CEP76: variants seen among roughly 807,000 people sequenced by gnomAD.
CEP76 encodes the protein centrosomal protein of 76 kDa.
CEP76 carries 55 observed loss-of-function variants against 83.3 expected under a neutral mutation model. That is an observed-to-expected ratio of 0.66 (90% CI 0.53 to 0.83). The LOEUF (loss-of-function observed/expected upper bound fraction) is 0.83. Ranked by LOEUF, CEP76 falls within the 40% of genes least tolerant of loss-of-function variation. The pLI, the probability that CEP76 is intolerant of heterozygous loss-of-function variation, is 0.00. For missense variants in CEP76, 694 were observed against 799.5 expected (o/e 0.87, Z 1.59); for synonymous variants, 270 against 274.5 (o/e 0.98, Z 0.16).
chr18:12,696,734 A>G (rs1188623735), intron 5 of CEP76, among the ~76,000 whole-genome samples: 1 of 152,100 alleles, frequency 6.6e-6, no homozygotes, highest in Non-Finnish European at 1.5e-5. Context: ...TCTGCCCTCA[A>G]GGACTAGTTG....
rs2039215649 is a variant in CEP76 at position 12,678,248 on chromosome 18, G to A, written c.1484C>T (p.Ala495Val). ...TCCAGGAGCACACACAGATTTAATT[G>A]CTTCCTCACTCATGGGTTTCCATTT... ...ESKWKPMSEE[A>V]IKSVCAPGAT... The change falls in exon 10 of 12, where the codon GCA (alanine) becomes GTA (valine). Residue 495 changes from alanine to valine, a missense_variant. Transcript: ENST00000262127. 9 of 1,614,130 alleles carry A rather than the reference G, an allele frequency of 5.6e-6. No individual in the cohort carries two copies. The highest frequency in any genetic ancestry group is 7.6e-6 in the Non-Finnish European group (9 of 1,180,016).
intron 6 of CEP76, chr18:12,692,332 T>C (rs897735897): frequency 2.7e-5 from 4 of 150,712 alleles, no homozygotes; most frequent in African/African-American, 9.8e-5. Context: ...AAAAAAAACA[T>C]ACTGTCATTC....
intron 6 of CEP76, among the ~76,000 whole-genome samples, chr18:12,694,453 T>C (rs950260618): frequency 1.3e-5 from 2 of 152,126 alleles, no homozygotes; most frequent in Non-Finnish European, 2.9e-5. Flanking sequence ...AAATCCAATG[T>C]GAAGGAATGA....
At chr18:12,678,570 C>CT (rs2039227777) in intron 9 of CEP76, 128 bp from the exon 10 acceptor site, 1 of 617,264 alleles carries the variant, frequency 1.6e-6, no homozygotes, top group African/African-American at 1.8e-5. Flanking sequence ...ACTTGTTTTT[C>CT]TTTTTTATAT....
chr18:12,674,537 G>A lies in CEP76; in HGVS notation c.1840C>T (p.Arg614Ter), dbSNP rs760020378. The A allele has an allele frequency of 8.1e-6, 13 of 1,608,978 alleles. No homozygotes were observed. The highest frequency in any genetic ancestry group is 5.5e-5 in the South Asian group (5 of 90,868). ...ATGATTCCGTAAATTACACCTTACCGAAGACATGTGGCAAATGCACGTCTT... is the reference window on the plus strand; with the variant it reads ...ATGATTCCGTAAATTACACCTTACCAAAGACATGTGGCAAATGCACGTCTT... ...NARRAFATCL[R>*]SPFCEEIICC... is the part of the protein sequence containing the mutation. The change falls in exon 11 of 12, where the codon CGA becomes TGA. Residue 614 changes from arginine (R) to a stop codon, truncating the protein, a stop_gained and splice_region_variant. Coordinates refer to ENST00000262127, the MANE Select transcript of CEP76 (RefSeq NM_024899.4). LOFTEE classifies it high-confidence loss of function.
intron 12 of CEP76, among the ~76,000 whole-genome samples, chr18:12,665,451 GTCC>G (rs1237183333): frequency 6.6e-6 from 1 of 152,068 alleles, no homozygotes; most frequent in Non-Finnish European, 1.5e-5. Context: ...CTGAATTCCT[GTCC>G]TCCTCATCTT....
intron 8 of CEP76, among the ~76,000 whole-genome samples, chr18:12,683,480 A>G (rs1223883894): frequency 6.6e-6 from 1 of 151,754 alleles, no homozygotes; most frequent in Non-Finnish European, 1.5e-5. Context: ...AACTTAAAAC[A>G]CTCATTAAAA....
At chr18:12,671,456 A>T (rs75585021), downstream of CEP76, among the ~76,000 whole-genome samples, 1,323 of 151,960 alleles carry the variant, frequency 8.7e-3, 26 homozygotes, top group African/African-American at 0.031. Flanking sequence ...TAAAAAACTT[A>T]AAAAAAATGA....
At chr18:12,668,170 C>T (rs891430793), downstream of CEP76, among the ~76,000 whole-genome samples, 1 of 152,018 alleles carries the variant, frequency 6.6e-6, no homozygotes, top group Admixed American at 6.6e-5. Context: ...GAGGCTGAGG[C>T]AGGAAAATCA....
chr18:12,671,710 G>A (rs1489211107), downstream of CEP76, among the ~76,000 whole-genome samples: 2 of 136,954 alleles, frequency 1.5e-5, no homozygotes, highest in South Asian at 2.3e-4. Context: ...ATGCAGTGAC[G>A]CGATCTTAGC....
intron 4 of CEP76, 151 bp downstream of exon 4, chr18:12,698,828 T>C (rs1598665394): frequency 4.9e-6 from 3 of 609,810 alleles, no homozygotes; most frequent in East Asian, 2.8e-5. Flanking sequence ...AGAAGGTGGA[T>C]AGTAGTTTAA....
In CEP76 at chr18:12,702,594, C is replaced by T. The variant is rs139392977; in HGVS notation, c.-46G>A. On this transcript the variant is annotated 5_prime_UTR_variant, in exon 1 of 12. Coordinates refer to ENST00000262127, the MANE Select transcript of CEP76 (RefSeq NM_024899.4). Reference sequence around the variant, plus strand: ...CGCCGCTTCTCCCCGCCTCAGATGCCCTAACTGCGCGGCCCCGGCCGGGCC... The same window carrying T: ...CGCCGCTTCTCCCCGCCTCAGATGCTCTAACTGCGCGGCCCCGGCCGGGCC... 10,548 of 1,578,370 alleles carry T rather than the reference C, an allele frequency of 6.7e-3. 49 individuals are homozygous for T. Among genetic ancestry groups the T allele is most frequent in the Middle Eastern group, 0.013 (72 of 5,680 alleles).
At chr18:12,700,912 G>A in intron 2 of CEP76, 46 bp downstream of exon 2, 1 of 1,492,340 alleles carries the variant, frequency 6.7e-7, no homozygotes. Flanking sequence ...TTACGCATTA[G>A]TATATACATA....
At chr18:12,690,776 T>C (rs2039726835) in intron 7 of CEP76, among the ~76,000 whole-genome samples, 1 of 152,132 alleles carries the variant, frequency 6.6e-6, no homozygotes, top group African/African-American at 2.4e-5. Context: ...ATATTTTATA[T>C]TGGTCTGTTA....
At chr18:12,671,649 T>C (rs981464102), downstream of CEP76, among the ~76,000 whole-genome samples, 7 of 136,630 alleles carry the variant, frequency 5.1e-5, no homozygotes, top group African/African-American at 2.0e-4. Flanking sequence ...TTTCTTTTTT[T>C]TTTTTTTTTT....
chr18:12,690,519 G>A lies in CEP76; in HGVS notation c.933+840C>T, dbSNP rs1454121734. ...TGCCCAGGCCGGACTGCAGTGGTGC[G>A]ATCTCGGCTCACTGCAAGCTCCGCC... On this transcript the variant is annotated intron_variant, in intron 7 of 11. Transcript: ENST00000262127. Among the ~76,000 whole-genome samples the A allele has an allele frequency of 5.3e-5, 8 of 151,586 alleles. No individual in the cohort carries two copies. In the East Asian group the frequency reaches 9.8e-4, roughly 18 times the overall value.
chr18:12,666,002 A>G (rs930479053), intron 12 of CEP76, among the ~76,000 whole-genome samples: 6 of 151,998 alleles, frequency 3.9e-5, no homozygotes, highest in African/African-American at 9.7e-5. Context: ...GCCCAACACA[A>G]TTATTTTAAT....
chr18:12,672,076 C>T (rs949077377), downstream of CEP76, among the ~76,000 whole-genome samples: 2 of 151,614 alleles, frequency 1.3e-5, no homozygotes, highest in Admixed American at 1.3e-4. Flanking sequence ...CATCAGCCTC[C>T]CAAAGTGCTG....
At chr18:12,680,900 T>C (rs1353772746) in intron 8 of CEP76, 72 bp from the exon 9 acceptor site, 2 of 1,345,260 alleles carry the variant, frequency 1.5e-6, no homozygotes, top group Non-Finnish European at 1.0e-6. Flanking sequence ...AATACTAAAT[T>C]ATAATAAAAA....
Sources: allele counts gnomAD v4.1 joint callset (sites outside exome capture counted in the v4.1 genomes callset), GRCh38; gene constraint gnomAD v4.1.1; transcripts MANE v1.5; gene names NCBI Gene and HGNC (gene_info 2026-07-23, HGNC 2026-07-21).